The following CACNB2 variants were observed in gnomAD, a reference collection of about 807,000 sequenced individuals.
CACNB2 encodes calcium voltage-gated channel auxiliary subunit beta 2.
Under a neutral mutation model 73.3 loss-of-function variants are expected in CACNB2, and 42 were observed. The ratio of observed to expected loss-of-function variants is 0.57; its 90% CI spans 0.45 to 0.74. CACNB2 has a LOEUF of 0.74. Ranked by LOEUF, CACNB2 falls within the 30% of genes least tolerant of loss-of-function variation. CACNB2 has a pLI of 0.00. For synonymous variants in CACNB2, 348 were observed against 310.3 expected, an observed-to-expected ratio of 1.12 and a Z score of -1.28; for missense variants, 940 against 853.0, an observed-to-expected ratio of 1.10 and a Z score of -1.27.
chr10:18,182,510 G>C (rs1215785651), intron 2 of CACNB2, among the ~76,000 whole-genome samples: 2 of 144,760 alleles, frequency 1.4e-5, no homozygotes, highest in African/African-American at 5.2e-5. Flanking sequence ...AGCATTTCAG[G>C]AAGAAGATTA....
intron 2 of CACNB2, among the ~76,000 whole-genome samples, chr10:18,355,921 C>T (rs1057331419): frequency 1.3e-5 from 2 of 152,176 alleles, no homozygotes; most frequent in African/African-American, 4.8e-5. Context: ...CAGGCGTGAG[C>T]CACCATGCCC....
intron 3 of CACNB2, among the ~76,000 whole-genome samples, chr10:18,482,213 A>G (rs1364598244): frequency 6.6e-6 from 1 of 152,208 alleles, no homozygotes; most frequent in Non-Finnish European, 1.5e-5. Flanking sequence ...TACAGAGACT[A>G]ACTGAGATAT....
In CACNB2 at chr10:18,536,187, G is replaced by C. The variant is rs148414498; in HGVS notation, c.1293G>C (p.Gln431His). ...TGGTAGCAGCTGATAAACTGGCTCAGTGTCCTCCAGTAAGTTATCTCTATA... is the reference window on the plus strand; with the variant it reads ...TGGTAGCAGCTGATAAACTGGCTCACTGTCCTCCAGTAAGTTATCTCTATA... ...VQMVAADKLAQCPPELFDVIL... is the reference protein window; with the variant it reads ...VQMVAADKLAHCPPELFDVIL... Residue 431 changes from glutamine to histidine, a missense_variant, in exon 12 of 14, where the codon CAG (glutamine) becomes CAC (histidine). Transcript: ENST00000324631. 6 of 1,532,878 alleles carry C rather than the reference G, an allele frequency of 3.9e-6. No homozygotes were observed. The Admixed American group carries it at 1.0e-4, about 27-fold the overall frequency. The allele number at this position is 1,532,878 out of a possible 1,614,324, so 95.0% of individuals were successfully genotyped here. A position where few individuals can be genotyped will look rare whatever the true frequency, so the allele number is the denominator to read the frequency against.
chr10:18,346,004 T>TATC (rs1340824942), intron 2 of CACNB2, among the ~76,000 whole-genome samples: 1 of 152,180 alleles, frequency 6.6e-6, no homozygotes. Flanking sequence ...CAAGCCAACA[T>TATC]ATCATCACAT....
chr10:18,227,107 C>G (rs2036022386), intron 2 of CACNB2, among the ~76,000 whole-genome samples: 1 of 152,130 alleles, frequency 6.6e-6, no homozygotes, highest in Admixed American at 6.5e-5. Flanking sequence ...AACACGTTTT[C>G]TGAAATGATA....
chr10:18,193,254 T>C (rs1420683288), intron 2 of CACNB2, among the ~76,000 whole-genome samples: 1 of 117,966 alleles, frequency 8.5e-6, no homozygotes, highest in Admixed American at 1.0e-4. Flanking sequence ...GTGTAACTTT[T>C]TGAGAAAGTG....
chr10:18,148,248 C>G (rs1377005407), intron 1 of CACNB2, among the ~76,000 whole-genome samples: 1 of 152,094 alleles, frequency 6.6e-6, no homozygotes, highest in Admixed American at 6.5e-5. Flanking sequence ...CAAATGAATA[C>G]TTTAAATAAA....
intron 2 of CACNB2, among the ~76,000 whole-genome samples, chr10:18,358,351 G>A (rs968778220): frequency 6.6e-6 from 1 of 152,202 alleles, no homozygotes; most frequent in Non-Finnish European, 1.5e-5. Flanking sequence ...GACTCCCAGA[G>A]TCCTGGGATT....
chr10:18,366,571 G>T (rs954405010), intron 2 of CACNB2, among the ~76,000 whole-genome samples: 12 of 149,746 alleles, frequency 8.0e-5, no homozygotes, highest in Admixed American at 2.7e-4. Context: ...GGGCTGGGCA[G>T]AGTGGCTCAC....
rs139925495 is a variant in CACNB2 at position 18,255,593 on chromosome 10, A to T, written c.213+104618A>T. Among the ~76,000 whole-genome samples the T allele has an allele frequency of 4.1e-3, 620 of 152,288 alleles. 3 individuals carry two copies. The highest frequency in any genetic ancestry group is 0.014 in the African/African-American group (593 of 41,554). On this transcript the variant is annotated intron_variant, in intron 2 of 13. Coordinates refer to ENST00000324631, the MANE Select transcript of CACNB2 (RefSeq NM_201596.3). ...CTACTGGTGCCCAGCAGAGACACGC[A>T]CTTGATGAGCAGCACTCAGTTGATA... is the stretch of plus-strand genomic sequence containing the variant.
At chr10:18,505,541 CG>C (rs2050440854) in intron 5 of CACNB2, among the ~76,000 whole-genome samples, 1 of 152,218 alleles carries the variant, frequency 6.6e-6, no homozygotes, top group South Asian at 2.1e-4. Flanking sequence ...TTAATATTTA[CG>C]TAAGTAAATA....
At chr10:18,207,293 C>T (rs903767217) in intron 2 of CACNB2, among the ~76,000 whole-genome samples, 1 of 151,990 alleles carries the variant, frequency 6.6e-6, no homozygotes, top group Non-Finnish European at 1.5e-5. Flanking sequence ...ACAGGCATGA[C>T]CTCCCAAAAT....
At chr10:18,315,203 A>G (rs1224487992) in intron 2 of CACNB2, among the ~76,000 whole-genome samples, 3 of 152,004 alleles carry the variant, frequency 2.0e-5, no homozygotes, top group Middle Eastern at 3.2e-3. Flanking sequence ...GTGTGGTGGC[A>G]CACATCTGTA....
At chr10:18,319,227 G>T (rs2131942932) in intron 2 of CACNB2, among the ~76,000 whole-genome samples, 1 of 152,274 alleles carries the variant, frequency 6.6e-6, no homozygotes, top group Middle Eastern at 3.4e-3. Flanking sequence ...ACTGGATAAA[G>T]AAAATGTGGT....
intron 2 of CACNB2, among the ~76,000 whole-genome samples, chr10:18,386,962 G>GTT (rs1393827303): frequency 1.3e-5 from 2 of 152,196 alleles, no homozygotes; most frequent in Non-Finnish European, 2.9e-5. Context: ...AATTAAGGCA[G>GTT]TAACAGTATT....
intron 2 of CACNB2, among the ~76,000 whole-genome samples, chr10:18,271,384 A>G (rs185436894): frequency 1.3e-5 from 2 of 152,378 alleles, no homozygotes; most frequent in Non-Finnish European, 2.9e-5. Flanking sequence ...ACTAAAAGCC[A>G]CAAACTAACT....
chr10:18,315,571 G>A (rs2040151265), intron 2 of CACNB2, among the ~76,000 whole-genome samples: 1 of 138,742 alleles, frequency 7.2e-6, no homozygotes, highest in African/African-American at 2.7e-5. Context: ...GTGCCTGCCT[G>A]TGGTCCCAGT....
intron 2 of CACNB2, among the ~76,000 whole-genome samples, chr10:18,239,774 A>G (rs975805590): frequency 1.3e-5 from 2 of 152,196 alleles, no homozygotes; most frequent in African/African-American, 4.8e-5. Context: ...TTAATCATGG[A>G]TCTTAGTTCT....
intron 2 of CACNB2, among the ~76,000 whole-genome samples, chr10:18,364,230 A>G (rs186308159): frequency 1.7e-4 from 24 of 141,856 alleles, no homozygotes; most frequent in Admixed American, 1.6e-3. Flanking sequence ...CTGGGATTAC[A>G]GGCATGAGCC....
Sources: allele counts gnomAD v4.1 joint callset (sites outside exome capture counted in the v4.1 genomes callset), GRCh38; gene constraint gnomAD v4.1.1; transcripts MANE v1.5; gene names NCBI Gene and HGNC (gene_info 2026-07-23, HGNC 2026-07-21).